FA2H: variants seen among roughly 807,000 people sequenced by gnomAD.
FA2H encodes fatty acid alpha-hydroxylase.
FA2H carries 22 observed loss-of-function variants against 44.9 expected under a neutral mutation model. The observed-to-expected ratio is 0.49, with a 90% CI of 0.35 to 0.70. FA2H has a LOEUF of 0.70. Ranked by LOEUF, FA2H falls within the 30% of genes least tolerant of loss-of-function variation. FA2H has a pLI of 0.01. For missense variants in FA2H, 501 were observed against 504.9 expected, an observed-to-expected ratio of 0.99 and a Z score of 0.07; for synonymous variants, 243 against 213.2, an observed-to-expected ratio of 1.14 and a Z score of -1.22.
At chr16:74,716,865 A>C (rs1014089487) in intron 5 of FA2H, 3 of 505,834 alleles carry the variant, frequency 5.9e-6, no homozygotes, top group Non-Finnish European at 1.1e-5. Flanking sequence ...GATGGGCAGG[A>C]TGGGTGGGGT....
chr16:74,744,060 G>T (rs765217775), intron 1 of FA2H, among the ~76,000 whole-genome samples: 8 of 152,106 alleles, frequency 5.3e-5, no homozygotes, highest in Non-Finnish European at 1.2e-4. Flanking sequence ...TCCCACCTGG[G>T]GCACGCCAGG....
chr16:74,769,053 G>A (rs1372019478), intron 1 of FA2H, among the ~76,000 whole-genome samples: 1 of 152,030 alleles, frequency 6.6e-6, no homozygotes, highest in Non-Finnish European at 1.5e-5. Flanking sequence ...CATCGCTCTG[G>A]GTGGCAGGCT....
At chr16:74,773,502 C>T (rs1021095750) in intron 1 of FA2H, among the ~76,000 whole-genome samples, 3 of 152,166 alleles carry the variant, frequency 2.0e-5, no homozygotes, top group Admixed American at 2.0e-4. Context: ...AGTCCCAGAG[C>T]CAGGCCTGGG....
chr16:74,719,044 T>C lies in FA2H; in HGVS notation c.730A>G (p.Ser244Gly), dbSNP rs1377939035. The change falls in exon 5 of 7, where the codon AGC becomes GGC. Residue 244 changes from serine (S) to glycine (G), a missense_variant. Transcript: ENST00000219368. ...HRFLFHMKPP[S>G]DSYYLIMLHF... ...AGCATGATGAGGTAATAGCTGTCGCTGGGGGGCTTCATGTGGAACAGGAAG... is the reference window on the plus strand; with the variant it reads ...AGCATGATGAGGTAATAGCTGTCGCCGGGGGGCTTCATGTGGAACAGGAAG... 1.2e-6 allele frequency: 2 copies of C among 1,613,914 alleles called. No homozygotes were observed. The highest frequency in any genetic ancestry group is 8.5e-7 in the Non-Finnish European group (1 of 1,179,998).
chr16:74,767,863 G>A (rs1156952357), intron 1 of FA2H, among the ~76,000 whole-genome samples: 1 of 152,216 alleles, frequency 6.6e-6, no homozygotes, highest in Non-Finnish European at 1.5e-5. Context: ...ATGGCATCCA[G>A]CAGCCAGGTG....
In FA2H at chr16:74,716,488, C is replaced by G; in HGVS notation, c.898G>C (p.Val300Leu). 1 of 1,613,908 alleles carries G rather than the reference C, an allele frequency of 6.2e-7. No homozygotes were observed. Residue 300 changes from valine (V) to leucine (L), a missense_variant, in exon 6 of 7, where the codon GTG becomes CTG. Physicochemically the swap from Val to Leu is conservative, Grantham distance 32 (BLOSUM62 1). Transcript: ENST00000219368. ...TAGCCCAGGAGGCCCCCCGCAAACA[C>G]AGTGCCCCCTACTGCCTCGGGCAGG... The part of the protein sequence containing the change: ...LILPEAVGGT[V>L]FAGGLLGYVL...
intron 1 of FA2H, among the ~76,000 whole-genome samples, chr16:74,752,289 T>A (rs1308612171): frequency 6.6e-6 from 1 of 152,156 alleles, no homozygotes; most frequent in Non-Finnish European, 1.5e-5. Flanking sequence ...AGAAAATCTG[T>A]CAGTCTTCTG....
Position 74,725,682 on chromosome 16 carries a change from C to T in FA2H, c.613+543G>A, listed in dbSNP as rs113296009. 1.6e-3 allele frequency among the ~76,000 whole-genome samples: 244 copies of T among 152,290 alleles called. 8 individuals carry two copies. The South Asian group carries it at 0.045, about 28-fold the overall frequency. ...TAAATGAGGCGGTCCTGGGAGAACA[C>T]GTGGCCCCGCACATGGCAAGTGTCC... On this transcript the variant is annotated intron_variant, in intron 4 of 6. Transcript: ENST00000219368.
intron 1 of FA2H, among the ~76,000 whole-genome samples, chr16:74,754,874 G>A (rs1277559934): frequency 6.6e-6 from 1 of 152,090 alleles, no homozygotes; most frequent in Non-Finnish European, 1.5e-5. Context: ...GGTCATGCTA[G>A]ATTAGGGTGG....
At chr16:74,757,229 A>T (rs555642638) in intron 1 of FA2H, among the ~76,000 whole-genome samples, 33 of 152,350 alleles carry the variant, frequency 2.2e-4, no homozygotes, top group African/African-American at 7.5e-4. Flanking sequence ...ACGTGCAAAA[A>T]GTTCAGAAAC....
intron 1 of FA2H, among the ~76,000 whole-genome samples, chr16:74,769,386 C>T (rs543676850): frequency 2.0e-5 from 3 of 152,276 alleles, no homozygotes; most frequent in African/African-American, 4.8e-5. Context: ...CATGAGCCAC[C>T]GTGCCTGGCC....
At chr16:74,716,998 G>A in intron 5 of FA2H, 1 of 212,952 alleles carries the variant, frequency 4.7e-6, no homozygotes, top group South Asian at 9.3e-5. Context: ...TGGAGACAGG[G>A]CACCTAGACT....
chr16:74,715,400 T>C (rs1961671706), intron 6 of FA2H, among the ~76,000 whole-genome samples: 1 of 152,062 alleles, frequency 6.6e-6, no homozygotes, highest in Non-Finnish European at 1.5e-5. Context: ...CAAATGATCC[T>C]CTTGCCTCAG....
chr16:74,735,816 CA>C (rs1962169178), intron 2 of FA2H, among the ~76,000 whole-genome samples: 1 of 152,024 alleles, frequency 6.6e-6, no homozygotes, highest in Non-Finnish European at 1.5e-5. Flanking sequence ...CCTATCTCTA[CA>C]AAAAAATTTA....
intron 2 of FA2H, 80 bp from the exon 3 acceptor site, chr16:74,727,466 C>T: frequency 6.9e-7 from 1 of 1,458,456 alleles, no homozygotes; most frequent in South Asian, 1.1e-5. Flanking sequence ...TTACAGCATC[C>T]CAATCCCCTG....
At position 74,714,100 on chromosome 16, in the gene FA2H, G is replaced by T; in HGVS notation, c.*90C>A. The T allele has an allele frequency of 2.4e-6, 2 of 839,108 alleles. No homozygotes were observed. Among genetic ancestry groups the T allele is most frequent in the Non-Finnish European group, 3.9e-6 (2 of 510,592 alleles). The allele number at this position is 839,108 out of a possible 1,614,324, so 52.0% of individuals were successfully genotyped here. On this transcript the variant is annotated 3_prime_UTR_variant, in exon 7 of 7. Coordinates refer to ENST00000219368, the MANE Select transcript of FA2H (RefSeq NM_024306.5). The stretch of plus-strand genomic sequence containing the variant: ...GACACAGCCCATCCTGCCTGGCCAA[G>T]CCAACCTTCTTAATGGGGTCTGAAT...
chr16:74,751,343 G>T (rs974140233), intron 1 of FA2H, among the ~76,000 whole-genome samples: 2 of 152,006 alleles, frequency 1.3e-5, no homozygotes, highest in East Asian at 1.9e-4. Flanking sequence ...CGACCCACCC[G>T]CCTTGGCCTC....
rs118138103 is a variant in FA2H, at chr16:74,765,960, G to A, written c.270+8526C>T. Among the ~76,000 whole-genome samples, 893 of 152,294 alleles carry A rather than the reference G, an allele frequency of 5.9e-3. 5 individuals are homozygous for A. The highest frequency in any genetic ancestry group is 7.0e-3 in the Non-Finnish European group (473 of 68,028). Reference sequence around the variant, plus strand: ...CAGTCCTTGGGGAGTTTACAGATTAGTAGACAAAACAATAGGGAAGACAAG... The same window carrying A: ...CAGTCCTTGGGGAGTTTACAGATTAATAGACAAAACAATAGGGAAGACAAG... On this transcript the variant is annotated intron_variant, in intron 1 of 6. Transcript: ENST00000219368.
intron 1 of FA2H, among the ~76,000 whole-genome samples, chr16:74,766,396 G>A (rs1038723182): frequency 1.3e-5 from 2 of 152,112 alleles, no homozygotes; most frequent in Non-Finnish European, 2.9e-5. Context: ...AGCAGATATA[G>A]GTGAGGAGGT....
Sources: allele counts gnomAD v4.1 joint callset (sites outside exome capture counted in the v4.1 genomes callset), GRCh38; gene constraint gnomAD v4.1.1; transcripts MANE v1.5; gene names NCBI Gene and HGNC (gene_info 2026-07-23, HGNC 2026-07-21).